Variants in INSR observed in about 807,000 individuals in gnomAD.
The protein encoded by INSR is insulin receptor, also known as IR.
A neutral mutation model predicts 142.6 loss-of-function variants in INSR; 67 were observed. The observed-to-expected ratio is 0.47, with a 90% CI of 0.39 to 0.58. The LOEUF (loss-of-function observed/expected upper bound fraction) is 0.58. Ranked by LOEUF, INSR falls within the 20% of genes least tolerant of loss-of-function variation. INSR has a pLI of 0.00. For missense variants in INSR, 1,248 were observed against 1,833.2 expected (o/e 0.68, Z 5.83); for synonymous variants, 756 against 743.1 (o/e 1.02, Z -0.28).
At chr19:7,190,907 T>A (rs759760963) in intron 2 of INSR, among the ~76,000 whole-genome samples, 8 of 152,244 alleles carry the variant, frequency 5.3e-5, no homozygotes, top group Non-Finnish European at 1.2e-4. Context: ...GCTTTTAAAT[T>A]GGCATGACTT....
In INSR at chr19:7,150,380, C is replaced by T; in HGVS notation, c.2267+117G>A. The T allele has an allele frequency of 1.2e-6, 1 of 865,544 alleles. No individual in the cohort carries two copies. Among genetic ancestry groups the T allele is most frequent in the Non-Finnish European group, 1.9e-6 (1 of 523,888 alleles). 53.6% of individuals were successfully genotyped at this position (865,544 alleles called of 1,614,324 possible). On this transcript the variant is annotated intron_variant, in intron 11 of 21. Coordinates refer to ENST00000302850, the MANE Select transcript of INSR (RefSeq NM_000208.4). This position sits in a 1 kb window ranked among gnomAD's most constrained non-coding sequence, Gnocchi z 4.2. ...TTGGTGAAGCATCTGCTCTCCAGCA[C>T]AGCTGCCCGCCGCATGCAAAAAGCC...
intron 9 of INSR, among the ~76,000 whole-genome samples, chr19:7,153,481 ACACG>A (rs1973503360): frequency 7.5e-6 from 1 of 132,814 alleles, no homozygotes; most frequent in Non-Finnish European, 1.7e-5. Flanking sequence ...CACACACCAC[ACACG>A]CACCACACAC....
At chr19:7,247,843 G>T (rs936764428) in intron 2 of INSR, among the ~76,000 whole-genome samples, 4 of 152,240 alleles carry the variant, frequency 2.6e-5, no homozygotes, top group African/African-American at 9.6e-5. Flanking sequence ...TAGCAACATT[G>T]TCTGTCTGCA....
chr19:7,158,198 T>C (rs1374433785), intron 9 of INSR, among the ~76,000 whole-genome samples: 2 of 151,478 alleles, frequency 1.3e-5, no homozygotes, highest in South Asian at 2.1e-4. Flanking sequence ...TTTCCTGAGA[T>C]TAGAAAAATG....
intron 2 of INSR, among the ~76,000 whole-genome samples, chr19:7,194,204 AG>A (rs1311948449): frequency 1.3e-5 from 2 of 152,066 alleles, no homozygotes; most frequent in African/African-American, 2.4e-5. Flanking sequence ...AGATCACTTG[AG>A]GTCAGGAGTT....
intron 2 of INSR, among the ~76,000 whole-genome samples, chr19:7,219,281 C>T (rs1975526671): frequency 6.6e-6 from 1 of 152,144 alleles, no homozygotes. Context: ...CCACACTGGC[C>T]TCTGAAGCTC....
intron 15 of INSR, among the ~76,000 whole-genome samples, chr19:7,127,158 G>A (rs62124493): frequency 0.058 from 8,899 of 152,176 alleles, 364 homozygotes; most frequent in Non-Finnish European, 0.088. Context: ...TCATCCTCCC[G>A]AGCGGCTGGG....
chr19:7,178,165 G>A (rs1329627648), intron 3 of INSR, among the ~76,000 whole-genome samples: 2 of 147,274 alleles, frequency 1.4e-5, no homozygotes, highest in Non-Finnish European at 3.0e-5. Flanking sequence ...TCTTGGCACA[G>A]AGCTTCAAAA....
chr19:7,115,252 A>G lies in INSR; in HGVS notation c.*1804T>C, dbSNP rs948511477. ...ATGGGCGATGATTTTTTGATGAACCAAAGTGATGAGTTCACTGTGTTCTTT... is the reference window on the plus strand; with the variant it reads ...ATGGGCGATGATTTTTTGATGAACCGAAGTGATGAGTTCACTGTGTTCTTT... On this transcript the variant is annotated 3_prime_UTR_variant, in exon 22 of 22. Coordinates refer to ENST00000302850, the MANE Select transcript of INSR (RefSeq NM_000208.4). The G allele has an allele frequency of 6.6e-6, 1 of 152,280 alleles. No homozygotes were observed. Among genetic ancestry groups the G allele is most frequent in the African/African-American group, 2.4e-5 (1 of 41,484 alleles). 9.4% of individuals were successfully genotyped at this position (152,280 alleles called of 1,614,324 possible).
chr19:7,227,788 T>G (rs1195301369), intron 2 of INSR, among the ~76,000 whole-genome samples: 1 of 151,632 alleles, frequency 6.6e-6, no homozygotes, highest in Middle Eastern at 3.2e-3. Context: ...AAAACCACAG[T>G]CGCGGTACAG....
chr19:7,211,617 T>G (rs1156729308), intron 2 of INSR, among the ~76,000 whole-genome samples: 1 of 152,034 alleles, frequency 6.6e-6, no homozygotes. Context: ...CAATGACCCC[T>G]CAGGAACCAA....
At chr19:7,259,863 G>A (rs1977006645) in intron 2 of INSR, among the ~76,000 whole-genome samples, 1 of 151,702 alleles carries the variant, frequency 6.6e-6, no homozygotes, top group African/African-American at 2.4e-5. Flanking sequence ...GTCAAGTCCA[G>A]CGTGGTGGCT....
intron 2 of INSR, among the ~76,000 whole-genome samples, chr19:7,243,249 T>TGG (rs1351837284): frequency 1.1e-4 from 15 of 133,754 alleles, no homozygotes; most frequent in Non-Finnish European, 2.4e-4. Context: ...TTTTTTTTTT[T>TGG]TTTTTTTTTT....
intron 1 of INSR, among the ~76,000 whole-genome samples, chr19:7,291,667 A>G (rs2145259381): frequency 6.6e-6 from 1 of 152,262 alleles, no homozygotes; most frequent in East Asian, 1.9e-4. Flanking sequence ...TGGTAAATCC[A>G]TTTACTGACC....
At chr19:7,141,092 G>A (rs2144857071) in intron 13 of INSR, among the ~76,000 whole-genome samples, 1 of 152,236 alleles carries the variant, frequency 6.6e-6, no homozygotes, top group South Asian at 2.1e-4. Context: ...ACCCAGGCTG[G>A]AGCGCAATGG....
intron 9 of INSR, among the ~76,000 whole-genome samples, chr19:7,154,826 A>G (rs1222555158): frequency 1.3e-5 from 2 of 151,908 alleles, no homozygotes; most frequent in Non-Finnish European, 2.9e-5. Flanking sequence ...CAGGAGGCTG[A>G]GGCAGGAGGA....
In INSR at chr19:7,250,371, G is replaced by GAGGGAGAGAGGA. The variant is rs1220556728; in HGVS notation, c.652+16962_652+16973dup. Among the ~76,000 whole-genome samples the GAGGGAGAGAGGA allele has an allele frequency of 7.1e-4, 93 of 131,592 alleles. No individual in the cohort carries two copies. In the East Asian group the frequency reaches 0.014, roughly 20 times the overall value. 86.3% of individuals were successfully genotyped at this position (131,592 alleles called of 152,430 possible). On this transcript the variant is annotated intron_variant, in intron 2 of 21. Transcript: ENST00000302850. ...AGGGAGAAAGGGAAAGAGGAAGGAG[G>GAGGGAGAGAGGA]AGGGAGAGAGGAAGGGAGAGAAGGA... is the stretch of plus-strand genomic sequence containing the variant.
chr19:7,143,263 T>A (rs984742823), intron 11 of INSR, among the ~76,000 whole-genome samples, 173 bp from the exon 12 acceptor site: 4 of 152,182 alleles, frequency 2.6e-5, no homozygotes, highest in Non-Finnish European at 4.4e-5. Context: ...TCAGAGCAGC[T>A]TTCAATATAC....
At chr19:7,200,307 T>TA (rs1250108733) in intron 2 of INSR, among the ~76,000 whole-genome samples, 2 of 152,122 alleles carry the variant, frequency 1.3e-5, no homozygotes, top group Non-Finnish European at 2.9e-5. Flanking sequence ...TGTCAGGACT[T>TA]ACCTGCTGGA....
Sources: allele counts gnomAD v4.1 joint callset (sites outside exome capture counted in the v4.1 genomes callset), GRCh38; gene constraint gnomAD v4.1.1; non-coding constraint Gnocchi (gnomAD v3.1); transcripts MANE v1.5; gene names NCBI Gene and HGNC (gene_info 2026-07-23, HGNC 2026-07-21).